The following KCNQ1 variants were observed in gnomAD, a reference collection of about 807,000 sequenced individuals.
KCNQ1 encodes potassium voltage-gated channel subfamily Q member 1.
In KCNQ1, 49 loss-of-function variants were observed where a neutral mutation model predicts 72.4. The observed-to-expected ratio is 0.68, with a 90% CI of 0.54 to 0.86. KCNQ1 has a LOEUF of 0.86. Among genes scored for constraint, KCNQ1 ranks in the 40% least tolerant of loss-of-function variants. The pLI is 0.00. For missense variants in KCNQ1, 790 were observed against 945.1 expected, an observed-to-expected ratio of 0.84 and a Z score of 2.15; for synonymous variants, 450 against 412.6, an observed-to-expected ratio of 1.09 and a Z score of -1.10.
rs543428644 is a variant in KCNQ1, at chr11:2,583,498, G to A, written c.985G>A (p.Ala329Thr). ...CCAGACGTGGGTCGGGAAGACCATC[G>A]CCTCCTGCTTCTCTGTCTTTGCCAT... ...VPQTWVGKTI[A>T]SCFSVFAISF... The change falls in exon 7 of 16, where the codon GCC becomes ACC. Residue 329 changes from alanine to threonine, a missense_variant. By Grantham distance (58) the Ala-to-Thr change is moderately conservative. Around this residue, in one of 5 missense-constraint regions of KCNQ1, gnomAD observed 133 missense variants for 219.5 expected, o/e 0.61. Coordinates refer to ENST00000155840, the MANE Select transcript of KCNQ1 (RefSeq NM_000218.3). 9 of 1,614,014 alleles carry A rather than the reference G, an allele frequency of 5.6e-6. No individual in the cohort carries two copies. Among genetic ancestry groups the A allele is most frequent in the African/African-American group, 1.3e-5 (1 of 75,038 alleles).
At position 2,712,356 on chromosome 11, in the gene KCNQ1, G is replaced by A. The variant is rs1008706182; in HGVS notation, c.1514+50275G>A. 5.3e-5 allele frequency among the ~76,000 whole-genome samples: 8 copies of A among 152,130 alleles called. No individual in the cohort carries two copies. Among genetic ancestry groups the A allele is most frequent in the African/African-American group, 1.7e-4 (7 of 41,416 alleles). On this transcript the variant is annotated intron_variant, in intron 11 of 15. Transcript: ENST00000155840. This position sits in a 1 kb window ranked among gnomAD's most constrained non-coding sequence, Gnocchi z 6.4. ...GCCTCAGGAGATCATCACAACCCTC[G>A]CTGGGGCTGGGGTGCAAATGGGGCA...
rs1009905935 is a variant in KCNQ1 at position 2,458,170 on chromosome 11, C to A, written c.386+12686C>A. ...AACTTGAAGGGGTCCTTGTCTTCCC[C>A]CTTCTCCCCAAGCTGAAGATGCAGT... On this transcript the variant is annotated intron_variant, in intron 1 of 15. Coordinates refer to ENST00000155840, the MANE Select transcript of KCNQ1 (RefSeq NM_000218.3). The surrounding 1 kb of genome is among the most constrained non-coding windows in gnomAD (Gnocchi z 4.6). Among the ~76,000 whole-genome samples the A allele has an allele frequency of 1.3e-5, 2 of 152,030 alleles. No individual in the cohort carries two copies. The highest frequency in any genetic ancestry group is 1.5e-5 in the Non-Finnish European group (1 of 68,018).
At position 2,593,883 on chromosome 11, in the gene KCNQ1, T is replaced by G. The variant is rs1375696845; in HGVS notation, c.1393+5029T>G. On this transcript the variant is annotated intron_variant, in intron 10 of 15. Transcript: ENST00000155840. This position sits in a 1 kb window ranked among gnomAD's most constrained non-coding sequence, Gnocchi z 6.9. The stretch of plus-strand genomic sequence containing the variant: ...CCACAGGATTAAATCCTGAATGCTT[T>G]GCCAGTTGAGATCAAAAGTCACCCC... 6.6e-6 allele frequency among the ~76,000 whole-genome samples: 1 copy of G among 152,206 alleles called. No homozygotes were observed. The highest frequency in any genetic ancestry group is 1.5e-5 in the Non-Finnish European group (1 of 68,032).
In KCNQ1 at chr11:2,544,236, A is replaced by G. The variant is rs976046723; in HGVS notation, c.477+16218A>G. ...GAGATTATCTATCTCATATATATATATGTGTGTGTGTGTATATATATATGT... is the reference window on the plus strand; with the variant it reads ...GAGATTATCTATCTCATATATATATGTGTGTGTGTGTGTATATATATATGT... On this transcript the variant is annotated intron_variant, in intron 2 of 15. Coordinates refer to ENST00000155840, the MANE Select transcript of KCNQ1 (RefSeq NM_000218.3). The surrounding 1 kb of genome is among the most constrained non-coding windows in gnomAD (Gnocchi z 4.4). Among the ~76,000 whole-genome samples, 401 of 146,810 alleles carry G rather than the reference A, an allele frequency of 2.7e-3. 12 individuals are homozygous for G. The highest frequency in any genetic ancestry group is 1.0e-2 in the African/African-American group (382 of 38,240).
chr11:2,737,666 T>G (rs1845981128), intron 11 of KCNQ1, among the ~76,000 whole-genome samples: 1 of 152,232 alleles, frequency 6.6e-6, no homozygotes, highest in Non-Finnish European at 1.5e-5. Context: ...TCGTGCTGAC[T>G]CGGCCCTCGC....
chr11:2,616,202 T>C, intron 10 of KCNQ1: 1 of 397,252 alleles, frequency 2.5e-6, no homozygotes, highest in Non-Finnish European at 4.4e-6. Context: ...GTTCCCACTT[T>C]TGTTTTTTTT....
Position 2,537,973 on chromosome 11 carries a change from A to C in KCNQ1, c.477+9955A>C, listed in dbSNP as rs1459422174. On this transcript the variant is annotated intron_variant, in intron 2 of 15. Transcript: ENST00000155840. This position sits in a 1 kb window ranked among gnomAD's most constrained non-coding sequence, Gnocchi z 5.2. ...TCAAACAATCCTCCCACCTCGGCCAACCCAAAGTGCTGAGATTATAGGCAT... is the reference window on the plus strand; with the variant it reads ...TCAAACAATCCTCCCACCTCGGCCACCCCAAAGTGCTGAGATTATAGGCAT... Among the ~76,000 whole-genome samples, 1 of 152,150 alleles carries C rather than the reference A, an allele frequency of 6.6e-6. No homozygotes were observed. The highest frequency in any genetic ancestry group is 1.5e-5 in the Non-Finnish European group (1 of 68,028).
Position 2,447,154 on chromosome 11 carries a change from C to T in KCNQ1, c.386+1670C>T, listed in dbSNP as rs949471706. 2.6e-5 allele frequency among the ~76,000 whole-genome samples: 4 copies of T among 152,170 alleles called. No individual in the cohort carries two copies. The highest frequency in any genetic ancestry group is 2.1e-4 in the South Asian group (1 of 4,836). ...GGAAGAGGAGGAAGAGGGCTCGCCA[C>T]GCCCCAGAGGAAGTCTCTGCTTGCA... On this transcript the variant is annotated intron_variant, in intron 1 of 15. Transcript: ENST00000155840. The surrounding 1 kb of genome is among the most constrained non-coding windows in gnomAD (Gnocchi z 7.6).
chr11:2,637,660 G>C (rs569336352), intron 10 of KCNQ1: 1 of 152,340 alleles, frequency 6.6e-6, no homozygotes, highest in Admixed American at 6.5e-5. Flanking sequence ...TGTATATTCT[G>C]TTGATTTGGG....
intron 10 of KCNQ1, chr11:2,634,379 C>A (rs1384776776): frequency 4.7e-6 from 1 of 212,464 alleles, no homozygotes; most frequent in Non-Finnish European, 8.2e-6. Flanking sequence ...CTTCCTACGT[C>A]CAAGTGTTCT....
chr11:2,743,633 G>A (rs747056456), intron 11 of KCNQ1, among the ~76,000 whole-genome samples: 18 of 152,186 alleles, frequency 1.2e-4, no homozygotes, highest in African/African-American at 3.1e-4. Context: ...GCAGCCCTGC[G>A]CAGCCCTCTC....
intron 10 of KCNQ1, chr11:2,641,153 T>C (rs554851384): frequency 1.3e-5 from 5 of 398,544 alleles, no homozygotes; most frequent in Non-Finnish European, 2.2e-5. Context: ...ATTTTTAGTA[T>C]ACTGATATCT....
Position 2,654,229 on chromosome 11 carries a change from A to G in KCNQ1, c.1394-7732A>G. Reference sequence around the variant, plus strand: ...GCAGGGCCTGGCTGCAGCTGTCCGGATGCCCCTGGGGAGGGCTTCTCCTTC... The same window carrying G: ...GCAGGGCCTGGCTGCAGCTGTCCGGGTGCCCCTGGGGAGGGCTTCTCCTTC... On this transcript the variant is annotated intron_variant, in intron 10 of 15. Coordinates refer to ENST00000155840, the MANE Select transcript of KCNQ1 (RefSeq NM_000218.3). The surrounding 1 kb of genome is among the most constrained non-coding windows in gnomAD (Gnocchi z 6.4). The G allele has an allele frequency of 2.5e-6, 1 of 398,632 alleles. No homozygotes were observed. The highest frequency in any genetic ancestry group is 3.6e-5 in the East Asian group (1 of 28,040). 24.7% of individuals were successfully genotyped at this position (398,632 alleles called of 1,614,324 possible). A position where few individuals can be genotyped will look rare whatever the true frequency, so the allele number is the denominator to read the frequency against.
At chr11:2,722,619 T>C (rs1845688310) in intron 11 of KCNQ1, among the ~76,000 whole-genome samples, 1 of 152,080 alleles carries the variant, frequency 6.6e-6, no homozygotes, top group Non-Finnish European at 1.5e-5. Flanking sequence ...CTAGGGGAGC[T>C]GATGAGAGCG....
intron 11 of KCNQ1, chr11:2,684,935 A>G (rs1850458526): frequency 2.5e-6 from 1 of 398,530 alleles, no homozygotes; most frequent in Non-Finnish European, 4.4e-6. Flanking sequence ...TCCATGCAGC[A>G]TGTTATCTTT....
chr11:2,632,857 G>C, intron 10 of KCNQ1: 1 of 398,342 alleles, frequency 2.5e-6, no homozygotes, highest in Non-Finnish European at 4.4e-6. Context: ...CTTAACTGTT[G>C]TGAACAGTAC....
At chr11:2,576,213 C>T (rs943186944) in intron 6 of KCNQ1, among the ~76,000 whole-genome samples, 2 of 152,152 alleles carry the variant, frequency 1.3e-5, no homozygotes, top group Non-Finnish European at 2.9e-5. Flanking sequence ...TGGGAAGGTC[C>T]CTCCCCTTGC....
At chr11:2,587,495 G>A (rs1295922769) in intron 8 of KCNQ1, 75 bp from the exon 9 acceptor site, 2 of 1,600,766 alleles carry the variant, frequency 1.2e-6, no homozygotes, top group Non-Finnish European at 1.7e-6. Flanking sequence ...AACAGGGAGG[G>A]GGAGCTGTAG....
rs1359568184 is a variant in KCNQ1 at position 2,600,842 on chromosome 11, G to A, written c.1393+11988G>A. Among the ~76,000 whole-genome samples, 1 of 151,984 alleles carries A rather than the reference G, an allele frequency of 6.6e-6. No individual in the cohort carries two copies. The highest frequency in any genetic ancestry group is 2.4e-5 in the African/African-American group (1 of 41,372). ...AAAGATACAGTCCTGCCACTTCTTG[G>A]GGGAGTCTGATGTTTCCTCAGGTTA... On this transcript the variant is annotated intron_variant, in intron 10 of 15. Coordinates refer to ENST00000155840, the MANE Select transcript of KCNQ1 (RefSeq NM_000218.3). The surrounding 1 kb of genome is among the most constrained non-coding windows in gnomAD (Gnocchi z 5.6).
Sources: allele counts gnomAD v4.1 joint callset (sites outside exome capture counted in the v4.1 genomes callset), GRCh38; gene constraint gnomAD v4.1.1; regional missense constraint gnomAD v4.1.1; non-coding constraint Gnocchi (gnomAD v3.1); transcripts MANE v1.5; gene names NCBI Gene and HGNC (gene_info 2026-07-23, HGNC 2026-07-21).